The following HEG1 variants were observed in gnomAD, a reference collection of about 807,000 sequenced individuals.
The protein encoded by HEG1 is protein HEG homolog 1.
In HEG1, 56 loss-of-function variants were observed where a neutral mutation model predicts 125.6. That is an observed-to-expected ratio of 0.45 (90% confidence interval 0.36 to 0.56). HEG1 has a LOEUF of 0.56. HEG1 is among the 20% of genes least tolerant of loss of function. The probability of loss-of-function intolerance (pLI) is 0.00; values close to 1 mark genes in which losing one functional copy is unlikely to be tolerated. For missense variants in HEG1, 1,523 were observed against 1,670.0 expected (o/e 0.91, Z 1.53); for synonymous variants, 644 against 668.5 (o/e 0.96, Z 0.57).
At chr3:124,995,856 T>C (rs1033907693) in intron 12 of HEG1, among the ~76,000 whole-genome samples, 1 of 152,238 alleles carries the variant, frequency 6.6e-6, no homozygotes, top group African/African-American at 2.4e-5. Context: ...AATGCTAGCC[T>C]GTAACTGAAA....
chr3:124,995,279 A>T (rs187599698), intron 12 of HEG1, among the ~76,000 whole-genome samples: 1 of 152,188 alleles, frequency 6.6e-6, no homozygotes, highest in Non-Finnish European at 1.5e-5. Flanking sequence ...AGCCTGAGTG[A>T]CAGAGCAAGG....
chr3:125,048,781 G>A (rs1307735752), intron 1 of HEG1, among the ~76,000 whole-genome samples: 1 of 152,328 alleles, frequency 6.6e-6, no homozygotes, highest in Middle Eastern at 3.4e-3. Flanking sequence ...AGCATAAGTG[G>A]ATGCAAACAA....
intron 12 of HEG1, among the ~76,000 whole-genome samples, 179 bp downstream of exon 12, chr3:124,997,510 C>G (rs567072944): frequency 6.6e-6 from 1 of 152,342 alleles, no homozygotes; most frequent in African/African-American, 2.4e-5. Flanking sequence ...AAAGATAATG[C>G]TATTATTCCA....
intron 1 of HEG1, among the ~76,000 whole-genome samples, chr3:125,035,883 G>A (rs771555992): frequency 7.2e-5 from 11 of 152,170 alleles, no homozygotes; most frequent in South Asian, 2.1e-4. Flanking sequence ...TAGCAGAAGC[G>A]TAACTTTGAG....
At position 124,990,934 on chromosome 3, in the gene HEG1, T is replaced by A; in HGVS notation, c.3695+10A>T. On this transcript the variant is annotated intron_variant, in intron 13 of 16. Coordinates refer to ENST00000311127, the MANE Select transcript of HEG1 (RefSeq NM_020733.2). ...GTAACAAAATTAGACTAAATCAACA[T>A]GGAGCCTACCTCATGCAGGTTTCAT... 6.4e-7 allele frequency: 1 copy of A among 1,557,548 alleles called. No homozygotes were observed. The highest frequency in any genetic ancestry group is 8.7e-7 in the Non-Finnish European group (1 of 1,149,312).
At chr3:125,024,696 T>C (rs1937390207) in intron 3 of HEG1, among the ~76,000 whole-genome samples, 1 of 152,210 alleles carries the variant, frequency 6.6e-6, no homozygotes, top group Non-Finnish European at 1.5e-5. Flanking sequence ...CTCCTGACTA[T>C]CCCAGCCTCG....
chr3:125,038,156 G>C (rs993631817), intron 1 of HEG1, among the ~76,000 whole-genome samples: 4 of 152,202 alleles, frequency 2.6e-5, no homozygotes, highest in East Asian at 3.8e-4. Context: ...GCCCATACCA[G>C]AGTGGCCCCA....
At position 125,055,704 on chromosome 3, in the gene HEG1, C is replaced by T. The variant is rs1279141595; in HGVS notation, c.187G>A (p.Glu63Lys). The T allele has an allele frequency of 4.7e-5, 51 of 1,085,052 alleles. No individual in the cohort carries two copies. The highest frequency in any genetic ancestry group is 2.1e-4 in the Admixed American group (4 of 18,972). The allele number at this position is 1,085,052 out of a possible 1,614,324, so 67.2% of individuals were successfully genotyped here. Residue 63 changes from glutamate to lysine, a missense_variant, in exon 1 of 17, where the codon GAG (glutamate) becomes AAG (lysine). Physicochemically the swap from Glu to Lys is moderately conservative, Grantham distance 56 (BLOSUM62 1). Transcript: ENST00000311127. ...TCCCGGGGCGGCGTGGGCGGCGGCT[C>T]GCGCTCCGGGCGGCGCTCCAGCTGC... The part of the protein sequence containing the change: ...ELQLERRPER[E>K]PPPTPPRERR...
At chr3:125,001,729 CCATGCCAAAAATAGG>C in intron 11 of HEG1, 108 bp downstream of exon 11, 2 of 1,031,358 alleles carry the variant, frequency 1.9e-6, no homozygotes, top group South Asian at 3.3e-5. Flanking sequence ...GACTTAACAC[CCATGCCAAAAATAGG>C]CTCTGTGAGG....
chr3:124,974,352 C>G (rs1936497805), intron 15 of HEG1, among the ~76,000 whole-genome samples: 1 of 151,966 alleles, frequency 6.6e-6, no homozygotes, highest in African/African-American at 2.4e-5. Flanking sequence ...CTGGGTCTCC[C>G]CCAGATTGAC....
At chr3:124,974,813 T>A (rs1474975729) in intron 15 of HEG1, among the ~76,000 whole-genome samples, 4 of 152,232 alleles carry the variant, frequency 2.6e-5, no homozygotes, top group African/African-American at 7.2e-5. Flanking sequence ...ACCAAATGTC[T>A]AGCATGTGGC....
chr3:125,010,616 G>C, intron 6 of HEG1, 61 bp from the exon 7 acceptor site: 2 of 987,608 alleles, frequency 2.0e-6, no homozygotes, highest in Non-Finnish European at 3.0e-6. Context: ...GGCAGCTTTA[G>C]GTAAATATTT....
chr3:125,013,465 G>A lies in HEG1; in HGVS notation c.2114C>T (p.Thr705Ile). 2 of 1,613,904 alleles carry A rather than the reference G, an allele frequency of 1.2e-6. No individual in the cohort carries two copies. Among genetic ancestry groups the A allele is most frequent in the Non-Finnish European group, 8.5e-7 (1 of 1,179,860 alleles). Residue 705 changes from threonine to isoleucine, a missense_variant, in exon 6 of 17, where the codon ACC becomes ATC. Coordinates refer to ENST00000311127, the MANE Select transcript of HEG1 (RefSeq NM_020733.2). Reference sequence around the variant, plus strand: ...AGACCATGGTGTGGATGCATCAGAGGTAGACTTTAGTAGATGCACAGAGGC... The same window carrying A: ...AGACCATGGTGTGGATGCATCAGAGATAGACTTTAGTAGATGCACAGAGGC... ...TRASVHLLKS[T>I]SDASTPWSSS...
chr3:125,044,797 A>C (rs957260657), intron 1 of HEG1, among the ~76,000 whole-genome samples: 2 of 152,254 alleles, frequency 1.3e-5, no homozygotes, highest in African/African-American at 4.8e-5. Flanking sequence ...GAAAGGACAG[A>C]GCTAGGCTTC....
chr3:124,996,085 T>C (rs1373262259), intron 12 of HEG1, among the ~76,000 whole-genome samples: 1 of 150,052 alleles, frequency 6.7e-6, no homozygotes, highest in Admixed American at 6.6e-5. Context: ...GCTCAACTCC[T>C]CATTTGTTTT....
At chr3:124,975,732 C>CT (rs1299304358) in intron 15 of HEG1, among the ~76,000 whole-genome samples, 2 of 152,234 alleles carry the variant, frequency 1.3e-5, no homozygotes, top group African/African-American at 4.8e-5. Context: ...CTTTCCAACT[C>CT]TATTAGATTT....
intron 12 of HEG1, 60 bp from the exon 13 acceptor site, chr3:124,991,046 A>C (rs1410095308): frequency 2.3e-6 from 3 of 1,328,196 alleles, no homozygotes; most frequent in Non-Finnish European, 2.1e-6. Context: ...ACTCCCAGTT[A>C]ATTAAACGCC....
chr3:125,027,688 A>G (rs1937438264), intron 2 of HEG1, among the ~76,000 whole-genome samples, 181 bp from the exon 3 acceptor site: 1 of 152,220 alleles, frequency 6.6e-6, no homozygotes, highest in East Asian at 1.9e-4. Context: ...TCTGTGTATT[A>G]GATCTCACAA....
At chr3:124,991,044 T>G in intron 12 of HEG1, 58 bp from the exon 13 acceptor site, 1 of 1,350,410 alleles carries the variant, frequency 7.4e-7, no homozygotes, top group Non-Finnish European at 1.0e-6. Context: ...AAACTCCCAG[T>G]TAATTAAACG....
Sources: allele counts gnomAD v4.1 joint callset (sites outside exome capture counted in the v4.1 genomes callset), GRCh38; gene constraint gnomAD v4.1.1; transcripts MANE v1.5; gene names NCBI Gene and HGNC (gene_info 2026-07-23, HGNC 2026-07-21).